The following DOT1L variants were observed in gnomAD, a reference collection of about 807,000 sequenced individuals.
The protein encoded by DOT1L is DOT1 like histone lysine methyltransferase.
In DOT1L, 33 loss-of-function variants were observed where a neutral mutation model predicts 153.3. That is an observed-to-expected ratio of 0.22 (90% CI 0.16 to 0.29). The LOEUF (loss-of-function observed/expected upper bound fraction) is 0.29, where lower values mean the gene tolerates loss of function less well. Among genes scored for constraint, DOT1L ranks in the 10% least tolerant of loss-of-function variants. The pLI, the probability that DOT1L is intolerant of heterozygous loss-of-function variation, is 1.00. For synonymous variants in DOT1L, 1,135 were observed against 965.1 expected (o/e 1.18, Z -3.26); for missense variants, 1,847 against 2,119.9 (o/e 0.87, Z 2.53).
intron 1 of DOT1L, among the ~76,000 whole-genome samples, chr19:2,178,697 A>G (rs1406747376): frequency 6.6e-6 from 1 of 152,026 alleles, no homozygotes; most frequent in Non-Finnish European, 1.5e-5. Context: ...CTGGGATTAC[A>G]GGTGTGAGCT....
chr19:2,204,159 CTG>C lies in DOT1L; in HGVS notation c.787+1386_787+1387del. ...TGTGTCTCTGTGTGTGCCCGTGTGC[CTG>C]TGTGTCTGTTAGCGTGTCTCTGTGT... is the stretch of plus-strand genomic sequence containing the variant. On this transcript the variant is annotated intron_variant, in intron 9 of 27. Transcript: ENST00000398665. The surrounding 1 kb of genome is among the most constrained non-coding windows in gnomAD (Gnocchi z 5.7). Among the ~76,000 whole-genome samples the C allele has an allele frequency of 6.6e-6, 1 of 151,524 alleles. No homozygotes were observed. The highest frequency in any genetic ancestry group is 2.4e-5 in the African/African-American group (1 of 41,300).
chr19:2,178,479 G>A (rs1015231513), intron 1 of DOT1L, among the ~76,000 whole-genome samples: 4 of 147,854 alleles, frequency 2.7e-5, no homozygotes, highest in African/African-American at 5.0e-5. Flanking sequence ...GTGCAGTGGC[G>A]CGATCTTGGC....
chr19:2,177,693 TCCCTCGCCAA>T lies in DOT1L; in HGVS notation c.82-3010_82-3001del, dbSNP rs958401996. Among the ~76,000 whole-genome samples, 22 of 152,050 alleles carry T rather than the reference TCCCTCGCCAA, an allele frequency of 1.4e-4. No individual in the cohort carries two copies. In the South Asian group the frequency reaches 2.9e-3, roughly 20 times the overall value. On this transcript the variant is annotated intron_variant, in intron 1 of 27. Coordinates refer to ENST00000398665, the MANE Select transcript of DOT1L (RefSeq NM_032482.3). ...TCCGGGGCCTGCAAGTTCTGCCTGC[TCCCTCGCCAA>T]CCCTCGCCAGCCCTGCTCTCCGCTC...
At chr19:2,177,562 G>A (rs1231286088) in intron 1 of DOT1L, among the ~76,000 whole-genome samples, 1 of 151,926 alleles carries the variant, frequency 6.6e-6, no homozygotes, top group Non-Finnish European at 1.5e-5. Flanking sequence ...ATTAGTATTC[G>A]CCACGTTGGC....
chr19:2,210,566 A>T (rs2144830267), intron 13 of DOT1L, 55 bp from the exon 14 acceptor site: 1 of 1,590,658 alleles, frequency 6.3e-7, no homozygotes, highest in South Asian at 1.1e-5. Context: ...TGCCCGGGAG[A>T]CCCCATGGGT....
chr19:2,205,931 C>G (rs1316785004), intron 9 of DOT1L, among the ~76,000 whole-genome samples: 1 of 152,014 alleles, frequency 6.6e-6, no homozygotes, highest in Non-Finnish European at 1.5e-5. Flanking sequence ...TTCTGGCAGT[C>G]TGCCCGCCTT....
At position 2,191,864 on chromosome 19, in the gene DOT1L, A is replaced by G. The variant is rs1374858792; in HGVS notation, c.493+624A>G. 5.9e-5 allele frequency among the ~76,000 whole-genome samples: 9 copies of G among 152,090 alleles called. No homozygotes were observed. Reference sequence around the variant, plus strand: ...GCTTGTGAGGTGTCGTCTCCTCTCAACCACGGGCGGGGCTCCTTGAAACGA... The same window carrying G: ...GCTTGTGAGGTGTCGTCTCCTCTCAGCCACGGGCGGGGCTCCTTGAAACGA... On this transcript the variant is annotated intron_variant, in intron 5 of 27. Transcript: ENST00000398665. The surrounding 1 kb of genome is among the most constrained non-coding windows in gnomAD (Gnocchi z 6.8).
chr19:2,211,592 G>A (rs764085593), intron 15 of DOT1L, among the ~76,000 whole-genome samples, 159 bp from the exon 16 acceptor site: 1 of 152,196 alleles, frequency 6.6e-6, no homozygotes, highest in South Asian at 2.1e-4. Context: ...TGCGAGCTTG[G>A]GGCGTGTGGC....
chr19:2,214,618 A>T, intron 19 of DOT1L, 22 bp downstream of exon 19: 11 of 1,606,010 alleles, frequency 6.8e-6, no homozygotes, highest in Non-Finnish European at 9.3e-6. Context: ...GCGAGGCTGC[A>T]CTCCGTGGTG....
chr19:2,226,707 C>T lies in DOT1L; in HGVS notation c.4186C>T (p.Leu1396=). The T allele has an allele frequency of 1.3e-6, 2 of 1,565,328 alleles. No individual in the cohort carries two copies. Among genetic ancestry groups the T allele is most frequent in the African/African-American group, 1.4e-5 (1 of 73,994 alleles). Residue 1396 remains leucine, a synonymous_variant, in exon 27 of 28, where the codon CTG becomes TTG. Coordinates refer to ENST00000398665, the MANE Select transcript of DOT1L (RefSeq NM_032482.3). The part of the protein sequence containing the change: ...GKEAGEGGLP[L]CGPTDKTPLL... ...GGAGGCAGGGGAGGGCGGCCTACCG[C>T]TGTGCGGGCCCACGGACAAGACCCC...
chr19:2,227,953 T>G, intron 27 of DOT1L: 1 of 1,087,662 alleles, frequency 9.2e-7, no homozygotes, highest in Non-Finnish European at 1.1e-6. Context: ...CCTGCGCACC[T>G]GGGCCGGTCC....
rs1221664937 is a variant in DOT1L at position 2,207,072 on chromosome 19, G to T, written c.856+275G>T. Among the ~76,000 whole-genome samples the T allele has an allele frequency of 6.6e-6, 1 of 152,206 alleles. No individual in the cohort carries two copies. The highest frequency in any genetic ancestry group is 2.4e-5 in the African/African-American group (1 of 41,448). Reference sequence around the variant, plus strand: ...CACTCCTCGGGGAGACCCCGGCTTCGAGGGGAGGCGTGAAGGATTTACAGG... The same window carrying T: ...CACTCCTCGGGGAGACCCCGGCTTCTAGGGGAGGCGTGAAGGATTTACAGG... On this transcript the variant is annotated intron_variant, in intron 10 of 27. Transcript: ENST00000398665. This position sits in a 1 kb window ranked among gnomAD's most constrained non-coding sequence, Gnocchi z 4.5.
At position 2,204,236 on chromosome 19, in the gene DOT1L, T is replaced by G. The variant is rs1302353693; in HGVS notation, c.787+1457T>G. ...GCATGTCTGTGCCTGTGTGCATGCC[T>G]GTGTGTGTGCGTGCCCGTGTGCCTC... is the stretch of plus-strand genomic sequence containing the variant. On this transcript the variant is annotated intron_variant, in intron 9 of 27. Transcript: ENST00000398665. The surrounding 1 kb of genome is among the most constrained non-coding windows in gnomAD (Gnocchi z 5.7). 6.6e-6 allele frequency among the ~76,000 whole-genome samples: 1 copy of G among 152,070 alleles called. No homozygotes were observed. Among genetic ancestry groups the G allele is most frequent in the East Asian group, 1.9e-4 (1 of 5,194 alleles).
chr19:2,210,996 G>A, intron 14 of DOT1L, 103 bp from the exon 15 acceptor site: 2 of 1,450,658 alleles, frequency 1.4e-6, no homozygotes, highest in Non-Finnish European at 1.9e-6. Context: ...CCTTCAGGGT[G>A]GCCCCATCCT....
In DOT1L at chr19:2,193,072, C is replaced by T. The variant is rs1388436555; in HGVS notation, c.494-617C>T. On this transcript the variant is annotated intron_variant, in intron 5 of 27. Coordinates refer to ENST00000398665, the MANE Select transcript of DOT1L (RefSeq NM_032482.3). The surrounding 1 kb of genome is among the most constrained non-coding windows in gnomAD (Gnocchi z 5.9). ...GGCTTGACACCCCCGGTGTGCGCCG[C>T]TGCCTCCACCCTCCTGACGCTGGCG... Among the ~76,000 whole-genome samples the T allele has an allele frequency of 6.6e-6, 1 of 152,180 alleles. No individual in the cohort carries two copies. The highest frequency in any genetic ancestry group is 1.5e-5 in the Non-Finnish European group (1 of 68,030).
In DOT1L at chr19:2,230,015, T is replaced by C; in HGVS notation, c.*223T>C. 2.8e-6 allele frequency: 2 copies of C among 707,492 alleles called. No individual in the cohort carries two copies. Among genetic ancestry groups the C allele is most frequent in the Non-Finnish European group, 4.6e-6 (2 of 438,130 alleles). 43.8% of individuals were successfully genotyped at this position (707,492 alleles called of 1,614,324 possible). ...AAAGTATTTATCATTTTTTAAAAAG[T>C]ATAAACAATTCTGACTTATTTTATT... On this transcript the variant is annotated 3_prime_UTR_variant, in exon 28 of 28. Coordinates refer to ENST00000398665, the MANE Select transcript of DOT1L (RefSeq NM_032482.3).
chr19:2,220,025 C>A lies in DOT1L; in HGVS notation c.2692-83C>A. ...GCGGCCTCCCCCAGCCAGCTGCAGG[C>A]CTCAACACTCACTGTTTCCAGCTGG... On this transcript the variant is annotated intron_variant, in intron 22 of 27. Coordinates refer to ENST00000398665, the MANE Select transcript of DOT1L (RefSeq NM_032482.3). This position sits in a 1 kb window ranked among gnomAD's most constrained non-coding sequence, Gnocchi z 4.5. 1 of 1,305,386 alleles carries A rather than the reference C, an allele frequency of 7.7e-7. No individual in the cohort carries two copies. Among genetic ancestry groups the A allele is most frequent in the Non-Finnish European group, 1.1e-6 (1 of 938,576 alleles). The allele number at this position is 1,305,386 out of a possible 1,614,324, so 80.9% of individuals were successfully genotyped here.
chr19:2,181,144 G>A (rs573435786), intron 2 of DOT1L, among the ~76,000 whole-genome samples: 4 of 152,242 alleles, frequency 2.6e-5, no homozygotes, highest in Non-Finnish European at 5.9e-5. Context: ...GGCAGGAGGC[G>A]GAGGCCGTCC....
rs1257587646 is a variant in DOT1L, at chr19:2,191,546, T to G, written c.493+306T>G. Among the ~76,000 whole-genome samples the G allele has an allele frequency of 1.3e-5, 2 of 152,058 alleles. No homozygotes were observed. The highest frequency in any genetic ancestry group is 2.9e-5 in the Non-Finnish European group (2 of 67,956). ...GCTGGGGAGCTAGACCTGTGCACCC[T>G]CTACTGCTCGCTCCCAGAAGCTGCC... On this transcript the variant is annotated intron_variant, in intron 5 of 27. Coordinates refer to ENST00000398665, the MANE Select transcript of DOT1L (RefSeq NM_032482.3). The surrounding 1 kb of genome is among the most constrained non-coding windows in gnomAD (Gnocchi z 6.8).
Sources: allele counts gnomAD v4.1 joint callset (sites outside exome capture counted in the v4.1 genomes callset), GRCh38; gene constraint gnomAD v4.1.1; non-coding constraint Gnocchi (gnomAD v3.1); transcripts MANE v1.5; gene names NCBI Gene and HGNC (gene_info 2026-07-23, HGNC 2026-07-21).